The following MIDN variants were observed in gnomAD, a reference collection of about 807,000 sequenced individuals.
MIDN encodes midbrain nucleolar protein.
In MIDN, 26 loss-of-function variants were observed where a neutral mutation model predicts 46.1. The observed-to-expected ratio is 0.56, with a 90% CI of 0.41 to 0.78. The LOEUF (loss-of-function observed/expected upper bound fraction) is 0.78. MIDN is among the 30% of genes least tolerant of loss of function. MIDN has a pLI of 0.00. For synonymous variants in MIDN, 432 were observed against 343.3 expected, an observed-to-expected ratio of 1.26 and a Z score of -2.86; for missense variants, 850 against 771.8, an observed-to-expected ratio of 1.10 and a Z score of -1.20.
chr19:1,251,087 T>C (rs1293525255), intron 2 of MIDN, among the ~76,000 whole-genome samples: 2 of 151,694 alleles, frequency 1.3e-5, no homozygotes, highest in African/African-American at 4.8e-5. Flanking sequence ...GTCTCCTTTG[T>C]CTGCGCGGCG....
intron 6 of MIDN, 130 bp downstream of exon 6, chr19:1,254,608 C>G (rs1359230635): frequency 1.5e-5 from 15 of 1,028,134 alleles, no homozygotes; most frequent in Non-Finnish European, 2.0e-5. Context: ...ATCCTGTGAC[C>G]TCGGGCTGGT....
In MIDN at chr19:1,254,975, G is replaced by A. The variant is rs141486022; in HGVS notation, c.899G>A (p.Ser300Asn). ...GASTTSTPGA[S>N]PAPRSRKPGA... ...AGCACCACGTCTACCCCAGGGGCCA[G>A]CCCTGCCCCCCGCTCCCGAAAACCC... Residue 300 changes from serine to asparagine, a missense_variant, in exon 7 of 9, where the codon AGC (serine) becomes AAC (asparagine). Coordinates refer to ENST00000682408, the MANE Select transcript of MIDN (RefSeq NM_001388306.1). 1.2e-6 allele frequency: 2 copies of A among 1,613,014 alleles called. No individual in the cohort carries two copies. Among genetic ancestry groups the A allele is most frequent in the African/African-American group, 2.7e-5 (2 of 75,004 alleles).
intron 6 of MIDN, 32 bp from the exon 7 acceptor site, chr19:1,254,870 C>A: frequency 1.0e-5 from 16 of 1,578,568 alleles, no homozygotes; most frequent in Non-Finnish European, 1.4e-5. Context: ...TGATCCTGGA[C>A]CCCGTGCTCA....
Position 1,257,138 on chromosome 19 carries a change from G to A in MIDN, c.1402G>A (p.Gly468Ser), listed in dbSNP as rs147781717. ...CCACTGGTCACCCAGCCGCAAGGCC[G>A]GCCGCAGCGACAGCAGTAGCAGCGG... is the stretch of plus-strand genomic sequence containing the variant. ...PYHWSPSRKA[G>S]RSDSSSSGGG... Residue 468 changes from glycine (G) to serine (S), a missense_variant, in exon 9 of 9, where the codon GGC (glycine) becomes AGC (serine). Gly to Ser is a moderately conservative substitution (Grantham distance 56). Coordinates refer to ENST00000682408, the MANE Select transcript of MIDN (RefSeq NM_001388306.1). 1.9e-5 allele frequency: 31 copies of A among 1,611,272 alleles called. No homozygotes were observed. Among genetic ancestry groups the A allele is most frequent in the Admixed American group, 3.3e-5 (2 of 59,922 alleles).
At chr19:1,251,736 C>T (rs886779711) in intron 3 of MIDN, 87 bp downstream of exon 3, 3 of 1,518,312 alleles carry the variant, frequency 2.0e-6, no homozygotes, top group Admixed American at 1.8e-5. Flanking sequence ...ACACACACTA[C>T]CTGGGGCCCC....
In MIDN at chr19:1,257,335, G is replaced by GCC; in HGVS notation, c.*66_*67dup. On this transcript the variant is annotated 3_prime_UTR_variant, in exon 9 of 9. Coordinates refer to ENST00000682408, the MANE Select transcript of MIDN (RefSeq NM_001388306.1). ...GCCCAGGGCGGCGGGGACTCCGAGA[G>GCC]CCCCGGAGAGAACGTGGCCCAGCCC... The GCC allele has an allele frequency of 6.9e-6, 10 of 1,451,334 alleles. No homozygotes were observed. Among genetic ancestry groups the GCC allele is most frequent in the Middle Eastern group, 2.3e-4 (1 of 4,364 alleles). 89.9% of individuals were successfully genotyped at this position (1,451,334 alleles called of 1,614,324 possible).
rs1350675001 is a variant in MIDN, at chr19:1,254,046, A to T, written c.477A>T (p.Gly159=). The part of the protein sequence containing the change: ...ILFKRPWHRQ[G]PQSPERGGER... ...TTAAGCGTCCGTGGCACCGACAGGG[A>T]CCCCAGAGCCCAGAGAGGGGCGGCG... Residue 159 remains glycine (G), a synonymous_variant, in exon 5 of 9, where the codon GGA becomes GGT. Transcript: ENST00000682408. 1 of 1,440,984 alleles carries T rather than the reference A, an allele frequency of 6.9e-7. No homozygotes were observed. The highest frequency in any genetic ancestry group is 1.5e-5 in the African/African-American group (1 of 65,974). 89.3% of individuals were successfully genotyped at this position (1,440,984 alleles called of 1,614,324 possible).
chr19:1,252,015 A>C (rs1157629603), intron 4 of MIDN, 114 bp downstream of exon 4: 2 of 847,038 alleles, frequency 2.4e-6, no homozygotes, highest in Admixed American at 2.3e-5. Flanking sequence ...AGGGGAGGGG[A>C]CGCGCCACCC....
intron 4 of MIDN, among the ~76,000 whole-genome samples, chr19:1,252,905 G>A (rs1437505337): frequency 6.6e-6 from 1 of 152,188 alleles, no homozygotes; most frequent in East Asian, 1.9e-4. Flanking sequence ...GGCGGGGGCT[G>A]CAGGTGATTT....
chr19:1,255,645 A>G lies in MIDN; in HGVS notation c.1209A>G (p.Ser403=). The G allele has an allele frequency of 6.2e-7, 1 of 1,603,556 alleles. No individual in the cohort carries two copies. Residue 403 remains serine, a synonymous_variant, in exon 8 of 9, where the codon TCA becomes TCG. Transcript: ENST00000682408. ...TSCEKLTAAP[S]ASLLQGQSQI... ...GCGAGAAGCTCACGGCTGCCCCCTC[A>G]GCCTCCCTGCTGCAGGGCCAGAGCC...
Position 1,248,672 on chromosome 19 carries a change from G to A in MIDN, c.-408+12G>A, listed in dbSNP as rs933459101. 6.6e-6 allele frequency: 1 copy of A among 152,338 alleles called. No homozygotes were observed. The highest frequency in any genetic ancestry group is 1.5e-5 in the Non-Finnish European group (1 of 68,256). 9.4% of individuals were successfully genotyped at this position (152,338 alleles called of 1,614,324 possible). On this transcript the variant is annotated intron_variant, in intron 1 of 8. Coordinates refer to ENST00000682408, the MANE Select transcript of MIDN (RefSeq NM_001388306.1). ...ACCGGCCGCGCCCGGTGAGTGTGGA[G>A]GGGGGGGACCTGCGGGCCGAGGAAG... is the stretch of plus-strand genomic sequence containing the variant.
Position 1,250,245 on chromosome 19 carries a change from C to A in MIDN, c.-52C>A. On this transcript the variant is annotated 5_prime_UTR_variant, in exon 2 of 9. Coordinates refer to ENST00000682408, the MANE Select transcript of MIDN (RefSeq NM_001388306.1). Reference sequence around the variant, plus strand: ...GCCTCTCGCCCCTGTCCCGGAGGCGCGGCGAGGATTGGCGGCGCCCGCCGC... The same window carrying A: ...GCCTCTCGCCCCTGTCCCGGAGGCGAGGCGAGGATTGGCGGCGCCCGCCGC... 2.5e-5 allele frequency: 20 copies of A among 803,122 alleles called. No individual in the cohort carries two copies. Among genetic ancestry groups the A allele is most frequent in the Non-Finnish European group, 2.9e-5 (19 of 664,074 alleles). 49.7% of individuals were successfully genotyped at this position (803,122 alleles called of 1,614,324 possible). A position where few individuals can be genotyped will look rare whatever the true frequency, so the allele number is the denominator to read the frequency against.
rs1017836425 is a variant in MIDN at position 1,254,087 on chromosome 19, C to T, written c.513+5C>T. 4.6e-6 allele frequency: 7 copies of T among 1,509,208 alleles called. No individual in the cohort carries two copies. Among genetic ancestry groups the T allele is most frequent in the Admixed American group, 2.2e-5 (1 of 44,594 alleles). 93.5% of individuals were successfully genotyped at this position (1,509,208 alleles called of 1,614,324 possible). A position where few individuals can be genotyped will look rare whatever the true frequency, so the allele number is the denominator to read the frequency against. On this transcript the variant is annotated splice_donor_5th_base_variant and intron_variant, in intron 5 of 8. Transcript: ENST00000682408. Reference sequence around the variant, plus strand: ...AGGGGCGGCGAGAGGCCCCAGGTCACAGCGCGGGGGGACTGGGCCGGGCTG... The same window carrying T: ...AGGGGCGGCGAGAGGCCCCAGGTCATAGCGCGGGGGGACTGGGCCGGGCTG...
In MIDN at chr19:1,250,402, C is replaced by T. The variant is rs775440270; in HGVS notation, c.106C>T (p.His36Tyr). ...GGCGGCGCCCATGAGCCTCGCCATC[C>T]ACAGCACCACGGGCACCCGCTACGA... ...AEAAPMSLAIHSTTGTRYDLA... is the reference protein window; with the variant it reads ...AEAAPMSLAIYSTTGTRYDLA... Residue 36 changes from histidine (H) to tyrosine (Y), a missense_variant, in exon 2 of 9, where the codon CAC becomes TAC. His to Tyr is a moderately conservative substitution (Grantham distance 83). Transcript: ENST00000682408. 41 of 1,320,988 alleles carry T rather than the reference C, an allele frequency of 3.1e-5. No homozygotes were observed. The highest frequency in any genetic ancestry group is 1.1e-4 in the Admixed American group (5 of 43,832). 81.8% of individuals were successfully genotyped at this position (1,320,988 alleles called of 1,614,324 possible). A position where few individuals can be genotyped will look rare whatever the true frequency, so the allele number is the denominator to read the frequency against.
chr19:1,251,670 G>T, intron 3 of MIDN, 21 bp downstream of exon 3: 1 of 1,598,912 alleles, frequency 6.3e-7, no homozygotes, highest in African/African-American at 1.3e-5. Context: ...ATGGGGCTGC[G>T]TGCCCCCAGA....
Position 1,250,525 on chromosome 19 carries a change from GAC to G in MIDN, c.232_233del (p.Thr78ProfsTer14), listed in dbSNP as rs773022518. On this transcript the variant is annotated frameshift_variant and splice_region_variant, in exon 2 of 9. Coordinates refer to ENST00000682408, the MANE Select transcript of MIDN (RefSeq NM_001388306.1). LOFTEE classifies it high-confidence loss of function. ...GGAGCGCCTGGCTCTTCTCCACAAA[GAC>G]ACGTAGGTACCGCGCGCCCCCGGCC... is the stretch of plus-strand genomic sequence containing the variant. ...PKERLALLHK[D>X]TRLSSGKLQE... The G allele has an allele frequency of 7.8e-7, 1 of 1,288,208 alleles. No homozygotes were observed. 79.8% of individuals were successfully genotyped at this position (1,288,208 alleles called of 1,614,324 possible).
chr19:1,250,614 A>AG (rs934956525), intron 2 of MIDN, 85 bp downstream of exon 2: 66 of 737,560 alleles, frequency 8.9e-5, no homozygotes, highest in Admixed American at 1.7e-4. Flanking sequence ...CGGGGAAGGC[A>AG]GGGGGCGGCC....
rs1343189681 is a variant in MIDN, at chr19:1,257,050, G to A, written c.1314G>A (p.Leu438=). ...NRATRCKVER[L]QLLLQQKRLR... ...CCACGCGCTGCAAGGTGGAACGGCTGCAGCTGCTTCTGCAGCAGAAACGGC... is the reference window on the plus strand; with the variant it reads ...CCACGCGCTGCAAGGTGGAACGGCTACAGCTGCTTCTGCAGCAGAAACGGC... The change falls in exon 9 of 9, where the codon CTG becomes CTA. Residue 438 remains leucine, a synonymous_variant. Transcript: ENST00000682408. 2.0e-5 allele frequency: 32 copies of A among 1,612,254 alleles called. No individual in the cohort carries two copies. Among genetic ancestry groups the A allele is most frequent in the African/African-American group, 2.7e-5 (2 of 74,956 alleles).
chr19:1,250,592 G>A, intron 2 of MIDN, 63 bp downstream of exon 2: 1 of 938,136 alleles, frequency 1.1e-6, no homozygotes, highest in Non-Finnish European at 1.3e-6. Flanking sequence ...CGGGAACAAA[G>A]AGCGCGCCGC....
Sources: gnomAD v4.1 joint callset for allele counts (sites outside exome capture counted in the v4.1 genomes callset) on GRCh38, gnomAD v4.1.1 for gene constraint, MANE v1.5 for transcripts, NCBI Gene and HGNC (gene_info 2026-07-23, HGNC 2026-07-21) for gene names.